The following CNTN1 variants were observed in gnomAD, a reference collection of about 807,000 sequenced individuals.
CNTN1 encodes contactin-1.
A neutral mutation model predicts 126.4 loss-of-function variants in CNTN1; 38 were observed. The observed-to-expected ratio is 0.30, with a 90% CI of 0.23 to 0.39. CNTN1 has a LOEUF of 0.39. CNTN1 is among the 10% of genes least tolerant of loss of function. CNTN1 has a pLI of 1.00. For missense variants in CNTN1, 1,009 were observed against 1,248.4 expected (o/e 0.81, Z 2.89); for synonymous variants, 413 against 422.6 (o/e 0.98, Z 0.28).
intron 10 of CNTN1, among the ~76,000 whole-genome samples, chr12:40,937,288 C>A (rs1946114513): frequency 6.6e-6 from 1 of 151,998 alleles, no homozygotes; most frequent in African/African-American, 2.4e-5. Context: ...CAAGTAGCAG[C>A]AGTGGGATTC....
intron 1 of CNTN1, among the ~76,000 whole-genome samples, chr12:40,813,054 TCTTTCTTCCTTCCTTC>T (rs1188392117): frequency 6.7e-5 from 9 of 134,232 alleles, no homozygotes; most frequent in African/African-American, 8.5e-5. Flanking sequence ...TTTCTTTCTT[TCTTTCTTCCTTCCTTC>T]CTTCCTTCCT....
chr12:40,842,410 A>G (rs1040988843), intron 1 of CNTN1, among the ~76,000 whole-genome samples: 38 of 152,080 alleles, frequency 2.5e-4, no homozygotes, highest in African/African-American at 8.9e-4. Context: ...TATGTTCCCA[A>G]CACGAAAGAA....
In CNTN1 at chr12:41,029,137, C is replaced by T. The variant is rs1263017968; in HGVS notation, c.2898C>T (p.Ile966=). Residue 966 remains isoleucine, a synonymous_variant, in exon 23 of 24, where the codon ATC becomes ATT. Coordinates refer to ENST00000551295, the MANE Select transcript of CNTN1 (RefSeq NM_001843.4). ...STHKHSIEVP[I]PRDGEYVVEV... ...ACAAACACTCCATAGAAGTCCCAAT[C>T]CCCAGAGATGGAGAATACGTTGTGG... is the stretch of plus-strand genomic sequence containing the variant. 1.2e-6 allele frequency: 2 copies of T among 1,613,966 alleles called. No homozygotes were observed. Among genetic ancestry groups the T allele is most frequent in the Non-Finnish European group, 1.7e-6 (2 of 1,180,004 alleles).
chr12:40,839,689 G>A (rs943030212), intron 1 of CNTN1, among the ~76,000 whole-genome samples: 16 of 152,154 alleles, frequency 1.1e-4, no homozygotes, highest in African/African-American at 3.4e-4. Flanking sequence ...CATTAATGAC[G>A]TAGAAATAAA....
At chr12:40,859,196 G>A (rs113680252) in intron 1 of CNTN1, among the ~76,000 whole-genome samples, 50 of 151,906 alleles carry the variant, frequency 3.3e-4, no homozygotes, top group African/African-American at 1.2e-3. Context: ...GGGATGAAAA[G>A]GTTAAAGAAT....
intron 1 of CNTN1, among the ~76,000 whole-genome samples, chr12:40,731,060 A>G (rs2121262127): frequency 6.6e-6 from 1 of 152,104 alleles, no homozygotes; most frequent in East Asian, 1.9e-4. Context: ...ATACTTGAGG[A>G]GAGTAAAGAA....
chr12:40,786,669 T>G (rs1172942501), intron 1 of CNTN1, among the ~76,000 whole-genome samples: 1 of 151,722 alleles, frequency 6.6e-6, no homozygotes, highest in African/African-American at 2.4e-5. Context: ...CCTAAACACA[T>G]AAAAATAAAA....
At chr12:40,912,471 T>A (rs1945076024) in intron 3 of CNTN1, among the ~76,000 whole-genome samples, 1 of 151,958 alleles carries the variant, frequency 6.6e-6, no homozygotes, top group Non-Finnish European at 1.5e-5. Context: ...AAAATAAGTA[T>A]CTTTCATTCC....
chr12:40,799,941 C>A (rs1267042128), intron 1 of CNTN1, among the ~76,000 whole-genome samples: 1 of 151,926 alleles, frequency 6.6e-6, no homozygotes, highest in Non-Finnish European at 1.5e-5. Flanking sequence ...ACTAAGCGTA[C>A]AATATGACAT....
intron 1 of CNTN1, among the ~76,000 whole-genome samples, chr12:40,776,150 T>C (rs1244800602): frequency 6.6e-6 from 1 of 151,588 alleles, no homozygotes; most frequent in Non-Finnish European, 1.5e-5. Context: ...CTTTTTTATT[T>C]AAAATGGGCC....
chr12:40,981,138 G>A, intron 16 of CNTN1, 71 bp downstream of exon 16: 3 of 1,529,516 alleles, frequency 2.0e-6, no homozygotes, highest in Non-Finnish European at 9.0e-7. Flanking sequence ...ACAAAAATTT[G>A]GAGGTTTTAA....
At chr12:40,693,193 T>G (rs1941347701) in intron 1 of CNTN1, among the ~76,000 whole-genome samples, 2 of 152,156 alleles carry the variant, frequency 1.3e-5, no homozygotes, top group South Asian at 4.1e-4. Flanking sequence ...TTCCGATTAA[T>G]TACGTCTCCG....
At chr12:40,895,993 C>G (rs562029653) in intron 1 of CNTN1, 1 of 151,986 alleles carries the variant, frequency 6.6e-6, no homozygotes, top group Admixed American at 6.6e-5. Context: ...GTCTCGATCT[C>G]CTGACTTCGT....
chr12:41,034,085 T>A (rs1043484922), intron 23 of CNTN1, among the ~76,000 whole-genome samples: 2 of 151,988 alleles, frequency 1.3e-5, no homozygotes, highest in Non-Finnish European at 2.9e-5. Flanking sequence ...GATGTCATGA[T>A]GTCCTGAACT....
chr12:40,905,813 A>T (rs995216538), intron 1 of CNTN1, among the ~76,000 whole-genome samples: 2 of 152,246 alleles, frequency 1.3e-5, no homozygotes, highest in Non-Finnish European at 2.9e-5. Flanking sequence ...AGGACAAAAA[A>T]AGTGATCAAA....
At chr12:40,770,202 G>A (rs1049123364) in intron 1 of CNTN1, among the ~76,000 whole-genome samples, 1 of 152,104 alleles carries the variant, frequency 6.6e-6, no homozygotes, top group Admixed American at 6.6e-5. Flanking sequence ...CCTGGAAAGA[G>A]GGGGTTCCTT....
chr12:40,940,305 G>A (rs1946223652), intron 12 of CNTN1, among the ~76,000 whole-genome samples: 1 of 152,064 alleles, frequency 6.6e-6, no homozygotes, highest in Admixed American at 6.6e-5. Flanking sequence ...TTTGTCTTTA[G>A]AGGAAAATGG....
intron 1 of CNTN1, among the ~76,000 whole-genome samples, chr12:40,907,890 T>C (rs1344591935): frequency 6.6e-6 from 1 of 152,260 alleles, no homozygotes; most frequent in African/African-American, 2.4e-5. Context: ...TTGTGTAATG[T>C]CTGTGAGTTT....
At chr12:40,977,878 C>T (rs1403541604) in intron 15 of CNTN1, among the ~76,000 whole-genome samples, 1 of 152,084 alleles carries the variant, frequency 6.6e-6, no homozygotes, top group Non-Finnish European at 1.5e-5. Flanking sequence ...TCTTGGCTCG[C>T]TGCAACCTCT....
Sources: allele counts gnomAD v4.1 joint callset (sites outside exome capture counted in the v4.1 genomes callset), GRCh38; gene constraint gnomAD v4.1.1; transcripts MANE v1.5; gene names NCBI Gene and HGNC (gene_info 2026-07-23, HGNC 2026-07-21).